WAC: variants seen among roughly 807,000 people sequenced by gnomAD.
The protein encoded by WAC is WW domain-containing adapter protein with coiled-coil.
A neutral mutation model predicts 79.6 loss-of-function variants in WAC; 11 were observed. That is an observed-to-expected ratio of 0.14 (90% CI 0.09 to 0.23). The LOEUF (loss-of-function observed/expected upper bound fraction) is 0.23. Among genes scored for constraint, WAC ranks in the 10% least tolerant of loss-of-function variants. WAC has a pLI of 1.00. For missense variants in WAC, 728 were observed against 773.5 expected, an observed-to-expected ratio of 0.94 and a Z score of 0.70; for synonymous variants, 304 against 276.9, an observed-to-expected ratio of 1.10 and a Z score of -0.97.
intron 4 of WAC, among the ~76,000 whole-genome samples, chr10:28,587,412 G>A (rs1839874725): frequency 6.6e-6 from 1 of 152,056 alleles, no homozygotes; most frequent in Middle Eastern, 3.2e-3. Context: ...GTAAAATGAG[G>A]AAGAAAAAAA....
chr10:28,593,597 G>A (rs1221254309), intron 6 of WAC, among the ~76,000 whole-genome samples: 7 of 151,634 alleles, frequency 4.6e-5, no homozygotes, highest in Non-Finnish European at 5.9e-5. Context: ...GTGAAACCCC[G>A]TCTCTACTAA....
chr10:28,613,846 T>C (rs1326766829), intron 10 of WAC, among the ~76,000 whole-genome samples: 2 of 152,178 alleles, frequency 1.3e-5, no homozygotes, highest in African/African-American at 4.8e-5. Flanking sequence ...ATAATACATA[T>C]CCTGATTGGC....
intron 7 of WAC, among the ~76,000 whole-genome samples, chr10:28,597,133 T>C (rs969967085): frequency 3.9e-5 from 6 of 152,146 alleles, no homozygotes; most frequent in African/African-American, 9.7e-5. Flanking sequence ...CCATATACTT[T>C]AGTATATATA....
chr10:28,597,310 T>C (rs1225355158), intron 7 of WAC, among the ~76,000 whole-genome samples: 1 of 152,194 alleles, frequency 6.6e-6, no homozygotes, highest in African/African-American at 2.4e-5. Flanking sequence ...GTTAATATAT[T>C]TTCCATAGGA....
chr10:28,556,889 G>A (rs1838028055), intron 3 of WAC, among the ~76,000 whole-genome samples: 1 of 151,928 alleles, frequency 6.6e-6, no homozygotes, highest in Non-Finnish European at 1.5e-5. Flanking sequence ...TTTATTTTTG[G>A]GTGTTCTGTT....
intron 3 of WAC, among the ~76,000 whole-genome samples, chr10:28,547,915 C>CT (rs11408560): frequency 0.52 from 68,348 of 132,266 alleles, 17,093 homozygotes; most frequent in Middle Eastern, 0.64. Flanking sequence ...TTCTCTTTTT[C>CT]TTTTTTTTTT....
At chr10:28,612,046 G>A in intron 10 of WAC, 124 bp downstream of exon 10, 1 of 1,198,538 alleles carries the variant, frequency 8.3e-7, no homozygotes, top group Non-Finnish European at 1.2e-6. Context: ...ATGAATGACA[G>A]GTATGATAGT....
intron 3 of WAC, among the ~76,000 whole-genome samples, chr10:28,566,359 T>C (rs1223561872): frequency 1.3e-5 from 2 of 152,184 alleles, no homozygotes; most frequent in African/African-American, 2.4e-5. Flanking sequence ...TGAGTAAATA[T>C]TTACTGTATA....
chr10:28,537,037 T>C (rs904309862), intron 3 of WAC, among the ~76,000 whole-genome samples: 4 of 152,220 alleles, frequency 2.6e-5, no homozygotes, highest in Non-Finnish European at 4.4e-5. Context: ...TGTGATCATA[T>C]ACTGAGAAAC....
intron 3 of WAC, among the ~76,000 whole-genome samples, chr10:28,563,607 T>G (rs188115777): frequency 2.8e-4 from 42 of 152,100 alleles, no homozygotes; most frequent in Admixed American, 2.6e-3. Context: ...TGAGACGGAG[T>G]TTTGCTCTGT....
chr10:28,585,442 C>T (rs906873949), intron 4 of WAC, among the ~76,000 whole-genome samples: 2 of 152,082 alleles, frequency 1.3e-5, no homozygotes, highest in African/African-American at 4.8e-5. Flanking sequence ...CATCACAGAG[C>T]GGACTATCAA....
Position 28,610,753 on chromosome 10 carries a change from T to G in WAC, c.1220T>G (p.Leu407Arg). ...ASLQSIIHKF[L>R]TAGPSAFNIT... is the part of the protein sequence containing the mutation. ...CTGCAGTCTATAATTCATAAGTTTC[T>G]TACTGCTGGACCATCTGCTTTCAAC... The change falls in exon 9 of 14, where the codon CTT becomes CGT. Residue 407 changes from leucine (L) to arginine (R), a missense_variant. Around this residue, in one of 3 missense-constraint regions of WAC, gnomAD observed 648 missense variants for 661.5 expected, o/e 0.98. Coordinates refer to ENST00000354911, the MANE Select transcript of WAC (RefSeq NM_016628.5). 1 of 1,612,830 alleles carries G rather than the reference T, an allele frequency of 6.2e-7. No individual in the cohort carries two copies. The highest frequency in any genetic ancestry group is 8.5e-7 in the Non-Finnish European group (1 of 1,179,714).
chr10:28,567,909 C>A (rs1290277819), intron 3 of WAC, among the ~76,000 whole-genome samples: 1 of 152,084 alleles, frequency 6.6e-6, no homozygotes, highest in East Asian at 1.9e-4. Flanking sequence ...CAGGTACCAC[C>A]ACACCGTTGT....
chr10:28,552,243 C>A (rs1196701126), intron 3 of WAC, among the ~76,000 whole-genome samples: 1 of 152,116 alleles, frequency 6.6e-6, no homozygotes, highest in African/African-American at 2.4e-5. Context: ...CATCTTCTGA[C>A]TTTAAAAAGC....
At chr10:28,568,195 T>C (rs1171060137) in intron 3 of WAC, among the ~76,000 whole-genome samples, 1 of 152,256 alleles carries the variant, frequency 6.6e-6, no homozygotes, top group Non-Finnish European at 1.5e-5. Context: ...ATTCTCAAAC[T>C]GTCTTCTTTT....
At chr10:28,576,534 A>G (rs540008131) in intron 3 of WAC, among the ~76,000 whole-genome samples, 3 of 152,372 alleles carry the variant, frequency 2.0e-5, no homozygotes, top group East Asian at 1.9e-4. Flanking sequence ...TGACCTTATT[A>G]TAAACTAAAG....
intron 7 of WAC, among the ~76,000 whole-genome samples, chr10:28,605,306 A>G (rs544406937): frequency 1.7e-4 from 26 of 152,354 alleles, no homozygotes; most frequent in African/African-American, 5.3e-4. Flanking sequence ...AGAATCACAC[A>G]TAGAACTTCT....
chr10:28,614,839 C>T lies in WAC; in HGVS notation c.1556+154C>T, dbSNP rs544142406. 298 of 627,218 alleles carry T rather than the reference C, an allele frequency of 4.8e-4. 1 individual carries two copies. Among genetic ancestry groups the T allele is most frequent in the East Asian group, 3.3e-3 (113 of 33,970 alleles). 38.9% of individuals were successfully genotyped at this position (627,218 alleles called of 1,614,324 possible). On this transcript the variant is annotated intron_variant, in intron 11 of 13. Coordinates refer to ENST00000354911, the MANE Select transcript of WAC (RefSeq NM_016628.5). Reference sequence around the variant, plus strand: ...ATGTTGTAAAATTTACAAAGACAAACCTGTATACAAGAGGTAGGTTATTGT... The same window carrying T: ...ATGTTGTAAAATTTACAAAGACAAATCTGTATACAAGAGGTAGGTTATTGT...
intron 3 of WAC, among the ~76,000 whole-genome samples, chr10:28,550,524 G>A (rs774064108): frequency 6.6e-6 from 1 of 151,998 alleles, no homozygotes; most frequent in South Asian, 2.1e-4. Context: ...CTCCTAATAG[G>A]CAGCGATTTG....
Sources: allele counts gnomAD v4.1 joint callset (sites outside exome capture counted in the v4.1 genomes callset), GRCh38; gene constraint gnomAD v4.1.1; regional missense constraint gnomAD v4.1.1; transcripts MANE v1.5; gene names NCBI Gene and HGNC (gene_info 2026-07-23, HGNC 2026-07-21).